JMY: variants seen among roughly 807,000 people sequenced by gnomAD.
JMY encodes the protein junction mediating and regulatory protein, p53 cofactor.
In JMY, 46 loss-of-function variants were observed where a neutral mutation model predicts 103.3. That is an observed-to-expected ratio of 0.45 (90% confidence interval 0.35 to 0.57). The LOEUF (loss-of-function observed/expected upper bound fraction) is 0.57. Ranked by LOEUF, JMY falls within the 20% of genes least tolerant of loss-of-function variation. The probability of loss-of-function intolerance (pLI) is 0.00; values close to 1 mark genes in which losing one functional copy is unlikely to be tolerated. For synonymous variants in JMY, 526 were observed against 489.3 expected (o/e 1.07, Z -0.99); for missense variants, 1,238 against 1,255.2 (o/e 0.99, Z 0.21).
intron 4 of JMY, among the ~76,000 whole-genome samples, chr5:79,297,512 G>A (rs1310114783): frequency 6.6e-6 from 1 of 152,166 alleles, no homozygotes; most frequent in African/African-American, 2.4e-5. Context: ...TTGGAGCAGG[G>A]TGCCCGCTCC....
chr5:79,243,263 ATT>A (rs1487416929), intron 1 of JMY, among the ~76,000 whole-genome samples: 1 of 151,518 alleles, frequency 6.6e-6, no homozygotes, highest in Admixed American at 6.6e-5. Flanking sequence ...AACTTTTCTA[ATT>A]TTCTTGAAAA....
rs1027129560 is a variant in JMY, at chr5:79,237,187, T to G, written c.537T>G (p.Ser179=). The G allele has an allele frequency of 2.6e-6, 4 of 1,550,340 alleles. No individual in the cohort carries two copies. Among genetic ancestry groups the G allele is most frequent in the Non-Finnish European group, 3.5e-6 (4 of 1,146,870 alleles). The change falls in exon 1 of 11, where the codon TCT becomes TCG. Residue 179 remains serine (S), a synonymous_variant. Coordinates refer to ENST00000396137, the MANE Select transcript of JMY (RefSeq NM_152405.5). ...RPAPREAQVS[S]VRIVSASGTV... ...CGCCCAGAGAGGCCCAGGTGTCCTC[T>G]GTACGGATAGTGAGCGCCTCTGGGA...
In JMY at chr5:79,313,063, A is replaced by AG. The variant is rs966313060; in HGVS notation, c.2064+567dup. 2.0e-4 allele frequency among the ~76,000 whole-genome samples: 31 copies of AG among 152,184 alleles called. 1 individual carries two copies. The highest frequency in any genetic ancestry group is 7.0e-4 in the African/African-American group (29 of 41,442). On this transcript the variant is annotated intron_variant, in intron 8 of 10. Transcript: ENST00000396137. ...GCCTTACTTCAGTTATGCATGCTGA[A>AG]GGATCACTTTGTAGGTGAAGTAGGC...
Position 79,236,241 on chromosome 5 carries a change from T to G in JMY, c.-410T>G. The G allele has an allele frequency of 6.3e-6, 1 of 159,072 alleles. No individual in the cohort carries two copies. The highest frequency in any genetic ancestry group is 1.8e-4 in the East Asian group (1 of 5,488). The allele number at this position is 159,072 out of a possible 1,614,324, so 9.9% of individuals were successfully genotyped here. A position where few individuals can be genotyped will look rare whatever the true frequency, so the allele number is the denominator to read the frequency against. ...GCAGCACCAGGGGCGGGGGCGGGGATCTTGACCTGGGCGAGCGACCGGGAC... is the reference window on the plus strand; with the variant it reads ...GCAGCACCAGGGGCGGGGGCGGGGAGCTTGACCTGGGCGAGCGACCGGGAC... On this transcript the variant is annotated 5_prime_UTR_variant, in exon 1 of 11. Coordinates refer to ENST00000396137, the MANE Select transcript of JMY (RefSeq NM_152405.5).
intron 1 of JMY, among the ~76,000 whole-genome samples, chr5:79,254,443 A>G (rs1745178839): frequency 6.6e-6 from 1 of 152,044 alleles, no homozygotes; most frequent in Non-Finnish European, 1.5e-5. Flanking sequence ...AGGGTAAAAG[A>G]TTTTTCTTTC....
At chr5:79,296,227 C>G (rs765961767) in intron 4 of JMY, among the ~76,000 whole-genome samples, 1 of 152,072 alleles carries the variant, frequency 6.6e-6, no homozygotes, top group Non-Finnish European at 1.5e-5. Context: ...CACATTTTTC[C>G]ACAAATGGAT....
chr5:79,320,986 A>T (rs1402774420), intron 10 of JMY, among the ~76,000 whole-genome samples: 1 of 152,210 alleles, frequency 6.6e-6, no homozygotes, highest in Non-Finnish European at 1.5e-5. Flanking sequence ...TAGATTTTTA[A>T]ATCAAACTGG....
At chr5:79,307,396 C>A (rs976834101) in intron 7 of JMY, among the ~76,000 whole-genome samples, 1 of 152,142 alleles carries the variant, frequency 6.6e-6, no homozygotes, top group Non-Finnish European at 1.5e-5. Flanking sequence ...TTTTCCACAT[C>A]CTCTATAGCA....
At chr5:79,278,463 T>A (rs751972622) in intron 2 of JMY, among the ~76,000 whole-genome samples, 1 of 151,716 alleles carries the variant, frequency 6.6e-6, no homozygotes, top group Non-Finnish European at 1.5e-5. Flanking sequence ...ACCAGAAATT[T>A]TGGGCAGGCT....
At chr5:79,259,772 G>A (rs1580336651) in intron 1 of JMY, among the ~76,000 whole-genome samples, 1 of 152,350 alleles carries the variant, frequency 6.6e-6, no homozygotes, top group African/African-American at 2.4e-5. Flanking sequence ...CTGATATTGA[G>A]GAAAGTCCAG....
intron 1 of JMY, among the ~76,000 whole-genome samples, chr5:79,270,358 TTAAAATGTATATTTACATAAATATTTACA>T (rs1745713006): frequency 2.2e-5 from 3 of 135,274 alleles, no homozygotes; most frequent in African/African-American, 8.2e-5. Context: ...ACATAAATAT[TTAAAATGTATATTTACATAAATATTTACA>T]TAAAATATAT....
chr5:79,319,056 C>T (rs1422435012), intron 10 of JMY, among the ~76,000 whole-genome samples: 1 of 152,184 alleles, frequency 6.6e-6, no homozygotes, highest in Non-Finnish European at 1.5e-5. Flanking sequence ...TCCACAGTGG[C>T]CCATTCACAG....
At chr5:79,271,758 G>T (rs1305586603) in intron 1 of JMY, among the ~76,000 whole-genome samples, 1 of 152,028 alleles carries the variant, frequency 6.6e-6, no homozygotes, top group East Asian at 1.9e-4. Flanking sequence ...TCCATTATTA[G>T]GTATGTACAC....
In JMY at chr5:79,322,373, G is replaced by A. The variant is rs1747482345; in HGVS notation, c.*771G>A. On this transcript the variant is annotated 3_prime_UTR_variant, in exon 11 of 11. Coordinates refer to ENST00000396137, the MANE Select transcript of JMY (RefSeq NM_152405.5). The stretch of plus-strand genomic sequence containing the variant: ...TGTGCATCCTTGTTTATGGAAGGCA[G>A]TACTTTGATAATATTTCAAATTATT... 1 of 152,174 alleles carries A rather than the reference G, an allele frequency of 6.6e-6. No homozygotes were observed. Among genetic ancestry groups the A allele is most frequent in the Non-Finnish European group, 1.5e-5 (1 of 68,028 alleles). The allele number at this position is 152,174 out of a possible 1,614,324, so 9.4% of individuals were successfully genotyped here. A position where few individuals can be genotyped will look rare whatever the true frequency, so the allele number is the denominator to read the frequency against.
intron 4 of JMY, among the ~76,000 whole-genome samples, chr5:79,294,234 T>C (rs2112101527): frequency 6.6e-6 from 1 of 152,020 alleles, no homozygotes; most frequent in Admixed American, 6.6e-5. Context: ...CAAAACCCTG[T>C]CTCTACTAAA....
Position 79,237,631 on chromosome 5 carries a change from G to T in JMY, c.981G>T (p.Arg327=), listed in dbSNP as rs1744567203. ...ATTACGAAAGCCTCAGCGAGCTGCG[G>T]CAGAAGGGCTACGAAGAAGTGCTTC... ...EEYYESLSEL[R]QKGYEEVLQR... is the part of the protein sequence containing the mutation. Residue 327 remains arginine (R), a synonymous_variant, in exon 1 of 11, where the codon CGG becomes CGT. Coordinates refer to ENST00000396137, the MANE Select transcript of JMY (RefSeq NM_152405.5). 1.9e-6 allele frequency: 3 copies of T among 1,613,774 alleles called. No individual in the cohort carries two copies. Among genetic ancestry groups the T allele is most frequent in the Non-Finnish European group, 2.5e-6 (3 of 1,180,002 alleles).
chr5:79,300,911 T>G, intron 6 of JMY, 48 bp downstream of exon 6: 1 of 1,438,892 alleles, frequency 6.9e-7, no homozygotes, highest in Non-Finnish European at 9.4e-7. Flanking sequence ...TATCCGTATC[T>G]ACTAATCTCA....
intron 1 of JMY, among the ~76,000 whole-genome samples, chr5:79,262,494 A>G (rs1389138667): frequency 6.6e-6 from 1 of 152,198 alleles, no homozygotes; most frequent in Admixed American, 6.5e-5. Context: ...TTCTTTTATC[A>G]TGAATTATAG....
chr5:79,265,931 C>T (rs1692816736), intron 1 of JMY, among the ~76,000 whole-genome samples: 2 of 152,058 alleles, frequency 1.3e-5, no homozygotes, highest in Admixed American at 6.6e-5. Flanking sequence ...CTGGCATATG[C>T]GCCACCACAC....
Sources: allele counts gnomAD v4.1 joint callset (sites outside exome capture counted in the v4.1 genomes callset), GRCh38; gene constraint gnomAD v4.1.1; transcripts MANE v1.5; gene names NCBI Gene and HGNC (gene_info 2026-07-23, HGNC 2026-07-21).